Variants in AFF2 observed in about 807,000 individuals in gnomAD.
The protein encoded by AFF2 is AF4/FMR2 family member 2.
AFF2 carries 14 observed loss-of-function variants against 76.9 expected under a neutral mutation model. That is an observed-to-expected ratio of 0.18 (90% CI 0.12 to 0.28). The LOEUF (loss-of-function observed/expected upper bound fraction) is 0.28. AFF2 is among the 10% of genes least tolerant of loss of function. AFF2 has a pLI of 1.00. For missense variants in AFF2, 868 were observed against 1,001.1 expected, an observed-to-expected ratio of 0.87 and a Z score of 1.79; for synonymous variants, 398 against 366.7, an observed-to-expected ratio of 1.09 and a Z score of -0.98.
chrX:148,860,295 A>C (rs1446367725), intron 7 of AFF2, among the ~76,000 whole-genome samples: 6 of 112,062 alleles, frequency 5.4e-5, no homozygotes, highest in Non-Finnish European at 9.4e-5. Flanking sequence ...TCACAGACAC[A>C]TTCCATGAGC....
chrX:148,792,437 G>A (rs2069909629), intron 3 of AFF2, among the ~76,000 whole-genome samples: 1 of 112,606 alleles, frequency 8.9e-6, no homozygotes, highest in Non-Finnish European at 1.9e-5. Flanking sequence ...TGGGCGATAA[G>A]AGCGAGACTC....
chrX:148,610,432 C>T (rs1043959632), intron 1 of AFF2, among the ~76,000 whole-genome samples: 3 of 111,481 alleles, frequency 2.7e-5, no homozygotes, highest in South Asian at 3.7e-4. Context: ...CCTTTCAAAA[C>T]GATAAAAACC....
At chrX:148,592,193 G>A (rs1557246756) in intron 1 of AFF2, among the ~76,000 whole-genome samples, 1 of 111,825 alleles carries the variant, frequency 8.9e-6, no homozygotes, top group Non-Finnish European at 1.9e-5. Flanking sequence ...TATCTGAAGA[G>A]GCCAGTAGAT....
intron 1 of AFF2, among the ~76,000 whole-genome samples, chrX:148,623,807 A>G (rs190798543): frequency 5.4e-5 from 6 of 110,513 alleles, no homozygotes; most frequent in African/African-American, 2.0e-4. Context: ...TAGAAAAGCA[A>G]CTCCAGATTC....
At chrX:148,722,626 C>T (rs2055108083) in intron 3 of AFF2, among the ~76,000 whole-genome samples, 1 of 111,335 alleles carries the variant, frequency 9.0e-6, no homozygotes, top group Non-Finnish European at 1.9e-5. Flanking sequence ...AGTTCGTCCT[C>T]CATACTATTG....
intron 20 of AFF2, among the ~76,000 whole-genome samples, chrX:148,988,391 G>A (rs1243125945): frequency 1.8e-5 from 2 of 111,628 alleles, no homozygotes; most frequent in Non-Finnish European, 3.8e-5. Context: ...ATTGGAATAG[G>A]AAGGATGCAG....
chrX:148,620,353 G>A (rs782752196), intron 1 of AFF2, among the ~76,000 whole-genome samples: 1 of 110,662 alleles, frequency 9.0e-6, no homozygotes. Context: ...CTTCACCTTC[G>A]TACCATTGTT....
At chrX:148,895,192 G>T (rs967794821) in intron 8 of AFF2, among the ~76,000 whole-genome samples, 2 of 111,295 alleles carry the variant, frequency 1.8e-5, no homozygotes, top group Non-Finnish European at 1.9e-5. Context: ...GCTTACTGGG[G>T]GGGCCAGCAA....
intron 3 of AFF2, among the ~76,000 whole-genome samples, chrX:148,802,255 C>G (rs1448318510): frequency 1.8e-5 from 2 of 111,890 alleles, no homozygotes; most frequent in East Asian, 5.6e-4. Flanking sequence ...AACCCGGTGA[C>G]CAGCCCAAAG....
chrX:148,967,834 G>T (rs1351781709), intron 15 of AFF2, 142 bp downstream of exon 15: 1 of 475,543 alleles, frequency 2.1e-6, no homozygotes, highest in African/African-American at 2.4e-5. Flanking sequence ...GACATAGGGA[G>T]ATTTGAACTA....
At chrX:148,525,152 T>C (rs1406737617) in intron 1 of AFF2, among the ~76,000 whole-genome samples, 1 of 111,980 alleles carries the variant, frequency 8.9e-6, no homozygotes, top group Non-Finnish European at 1.9e-5. Flanking sequence ...TTAACTTATG[T>C]GTACGTGTGT....
chrX:148,991,106 C>T, intron 20 of AFF2, 105 bp from the exon 21 acceptor site: 1 of 853,006 alleles, frequency 1.2e-6, no homozygotes, highest in Non-Finnish European at 1.6e-6. Context: ...ATCACATTTC[C>T]ATTGTCCATG....
rs190908025 is a variant in AFF2 at position 148,773,279 on chromosome X, G to A, written c.1042-36597G>A. Among the ~76,000 whole-genome samples, 169 of 110,793 alleles carry A rather than the reference G, an allele frequency of 1.5e-3. 4 individuals are homozygous for A. The East Asian group carries it at 0.028, about 18-fold the overall frequency. On this transcript the variant is annotated intron_variant, in intron 3 of 20. Coordinates refer to ENST00000370460, the MANE Select transcript of AFF2 (RefSeq NM_002025.4). The stretch of plus-strand genomic sequence containing the variant: ...AGATATCATGCAATTTTTGTTATAA[G>A]ATGAAAGAAAATATATGTATCTCTT...
chrX:148,971,182 C>A, intron 15 of AFF2, among the ~76,000 whole-genome samples: 1 of 85,157 alleles, frequency 1.2e-5, no homozygotes. Flanking sequence ...AGGTGGTTAA[C>A]TGGAATATAT....
chrX:148,710,125 G>C (rs782681072), intron 3 of AFF2, among the ~76,000 whole-genome samples: 2 of 111,904 alleles, frequency 1.8e-5, no homozygotes, highest in Admixed American at 9.5e-5. Flanking sequence ...CCCAAAGCCA[G>C]ACACAATTTC....
At chrX:148,825,239 C>A (rs1166201405) in intron 4 of AFF2, among the ~76,000 whole-genome samples, 1 of 111,719 alleles carries the variant, frequency 9.0e-6, no homozygotes, top group Non-Finnish European at 1.9e-5. Context: ...CAAAGCCAGA[C>A]ACCTGGGCAG....
intron 6 of AFF2, 24 bp from the exon 7 acceptor site, chrX:148,843,358 A>G (rs782527108): frequency 8.5e-7 from 1 of 1,177,231 alleles, no homozygotes; most frequent in South Asian, 1.8e-5. Flanking sequence ...ATGAACAGTA[A>G]TTGTTTATAT....
chrX:148,581,864 C>A, intron 1 of AFF2, among the ~76,000 whole-genome samples: 1 of 111,955 alleles, frequency 8.9e-6, no homozygotes, highest in Non-Finnish European at 1.9e-5. Flanking sequence ...ATACTTTAAT[C>A]TAAAGGCTTT....
chrX:148,617,209 A>G (rs1238887499), intron 1 of AFF2, among the ~76,000 whole-genome samples: 8 of 111,188 alleles, frequency 7.2e-5, no homozygotes, highest in Non-Finnish European at 1.3e-4. Context: ...AAGTGTTCCT[A>G]TTTCTCCACA....
Sources: allele counts gnomAD v4.1 joint callset (sites outside exome capture counted in the v4.1 genomes callset), GRCh38; gene constraint gnomAD v4.1.1; transcripts MANE v1.5; gene names NCBI Gene and HGNC (gene_info 2026-07-23, HGNC 2026-07-21).